Variants in OSBPL3 observed in about 807,000 individuals in gnomAD.
OSBPL3 encodes the protein oxysterol-binding protein-related protein 3.
A neutral mutation model predicts 120.1 loss-of-function variants in OSBPL3; 65 were observed. The observed-to-expected ratio is 0.54, with a 90% CI of 0.44 to 0.67. The LOEUF (loss-of-function observed/expected upper bound fraction) is 0.67. Ranked by LOEUF, OSBPL3 falls within the 30% of genes least tolerant of loss-of-function variation. The pLI is 0.00. For synonymous variants in OSBPL3, 416 were observed against 402.6 expected (o/e 1.03, Z -0.40); for missense variants, 1,004 against 1,082.1 (o/e 0.93, Z 1.01).
chr7:24,917,524 C>G, intron 1 of OSBPL3, among the ~76,000 whole-genome samples: 1 of 148,980 alleles, frequency 6.7e-6, no homozygotes. Context: ...TTTGTAACTC[C>G]TAATTTAAGC....
chr7:24,884,900 T>G (rs10249868), intron 2 of OSBPL3, among the ~76,000 whole-genome samples: 2,042 of 152,220 alleles, frequency 0.013, 48 homozygotes, highest in African/African-American at 0.047. Flanking sequence ...GACTGGACTT[T>G]CTTGTGGTGT....
At chr7:24,962,234 C>T (rs1000549033) in intron 1 of OSBPL3, among the ~76,000 whole-genome samples, 5 of 151,648 alleles carry the variant, frequency 3.3e-5, no homozygotes, top group East Asian at 1.9e-4. Context: ...ACCTGGGAGG[C>T]GGAGGTTGCA....
Position 24,816,697 on chromosome 7 carries a change from A to G in OSBPL3, c.1949-9T>C. The G allele has an allele frequency of 6.4e-7, 1 of 1,554,546 alleles. No homozygotes were observed. The highest frequency in any genetic ancestry group is 8.9e-7 in the Non-Finnish European group (1 of 1,125,542). The stretch of plus-strand genomic sequence containing the variant: ...GTTTTTCCATCTCACATCTGAAATG[A>G]AATACCAAATATTACATTTTTAGCA... On this transcript the variant is annotated splice_polypyrimidine_tract_variant and intron_variant, in intron 17 of 22. Transcript: ENST00000313367.
Position 24,881,936 on chromosome 7 carries a change from T to C in OSBPL3, c.97-9867A>G, listed in dbSNP as rs1034859101. On this transcript the variant is annotated intron_variant, in intron 2 of 22. Transcript: ENST00000313367. The surrounding 1 kb of genome is among the most constrained non-coding windows in gnomAD (Gnocchi z 4.3). The stretch of plus-strand genomic sequence containing the variant: ...CATCACCTTTTCCTCTATGTCTGTC[T>C]TCTCCCGAACGTGTTTCTTATAAGG... 3.3e-5 allele frequency among the ~76,000 whole-genome samples: 5 copies of C among 152,190 alleles called. No individual in the cohort carries two copies. Among genetic ancestry groups the C allele is most frequent in the African/African-American group, 1.2e-4 (5 of 41,458 alleles).
intron 14 of OSBPL3, among the ~76,000 whole-genome samples, chr7:24,839,861 G>A (rs1584321501): frequency 6.6e-6 from 1 of 151,338 alleles, no homozygotes; most frequent in East Asian, 1.9e-4. Context: ...ATGGTGGTGC[G>A]TGCCTGTATT....
At chr7:24,893,997 T>C (rs1473875588) in intron 1 of OSBPL3, among the ~76,000 whole-genome samples, 4 of 152,128 alleles carry the variant, frequency 2.6e-5, no homozygotes, top group African/African-American at 9.7e-5. Flanking sequence ...CATATATATA[T>C]ATATCTCCAA....
At position 24,867,329 on chromosome 7, in the gene OSBPL3, A is replaced by G. The variant is rs186433087; in HGVS notation, c.382-1092T>C. The stretch of plus-strand genomic sequence containing the variant: ...TGAATTAGTAAATTCTTCCTAAAAT[A>G]TTTAAACTTGTTCATCTCTCCAACA... On this transcript the variant is annotated intron_variant, in intron 5 of 22. Transcript: ENST00000313367. This position sits in a 1 kb window ranked among gnomAD's most constrained non-coding sequence, Gnocchi z 4.5. 2.6e-5 allele frequency among the ~76,000 whole-genome samples: 4 copies of G among 152,300 alleles called. No homozygotes were observed. The highest frequency in any genetic ancestry group is 1.3e-4 in the Admixed American group (2 of 15,302).
rs1407587112 is a variant in OSBPL3 at position 24,798,206 on chromosome 7, G to A, written c.*1977C>T. The A allele has an allele frequency of 6.6e-6, 1 of 152,216 alleles. No homozygotes were observed. The highest frequency in any genetic ancestry group is 1.5e-5 in the Non-Finnish European group (1 of 68,040). 9.4% of individuals were successfully genotyped at this position (152,216 alleles called of 1,614,324 possible). The stretch of plus-strand genomic sequence containing the variant: ...GTGAAATAACATTAGGATAATTAAA[G>A]ATTTTCCAAATGCCACATGACAGTG... On this transcript the variant is annotated 3_prime_UTR_variant, in exon 23 of 23. Coordinates refer to ENST00000313367, the MANE Select transcript of OSBPL3 (RefSeq NM_015550.4). This position sits in a 1 kb window ranked among gnomAD's most constrained non-coding sequence, Gnocchi z 4.6.
intron 1 of OSBPL3, among the ~76,000 whole-genome samples, chr7:24,956,825 A>C (rs1318780606): frequency 6.6e-6 from 1 of 152,126 alleles, no homozygotes; most frequent in Non-Finnish European, 1.5e-5. Context: ...TCACCCTTCA[A>C]CCATTATTAA....
In OSBPL3 at chr7:24,933,903, T is replaced by C. The variant is rs1812082049; in HGVS notation, c.-149-41282A>G. Among the ~76,000 whole-genome samples the C allele has an allele frequency of 6.6e-6, 1 of 152,208 alleles. No individual in the cohort carries two copies. ...ATAAATAGAGTAAAACAACAAATAC[T>C]AAGATTTGTTGGCATTAAATCAGTT... On this transcript the variant is annotated intron_variant, in intron 1 of 22. Coordinates refer to ENST00000313367, the MANE Select transcript of OSBPL3 (RefSeq NM_015550.4). The surrounding 1 kb of genome is among the most constrained non-coding windows in gnomAD (Gnocchi z 5.1).
At chr7:24,923,964 C>T (rs1810724671) in intron 1 of OSBPL3, among the ~76,000 whole-genome samples, 2 of 152,206 alleles carry the variant, frequency 1.3e-5, no homozygotes, top group South Asian at 2.1e-4. Context: ...AGAAGCAGCA[C>T]TGGCAATTTT....
rs1050788698 is a variant in OSBPL3 at position 24,953,771 on chromosome 7, A to G, written c.-150+26115T>C. On this transcript the variant is annotated intron_variant, in intron 1 of 22. Transcript: ENST00000313367. This position sits in a 1 kb window ranked among gnomAD's most constrained non-coding sequence, Gnocchi z 4.3. ...TAGATCAAGGCACAACTGGAGCTCC[A>G]TTTAATAAATGGTCAATGCCTGACT... is the stretch of plus-strand genomic sequence containing the variant. 6.6e-6 allele frequency among the ~76,000 whole-genome samples: 1 copy of G among 152,250 alleles called. No homozygotes were observed. Among genetic ancestry groups the G allele is most frequent in the Non-Finnish European group, 1.5e-5 (1 of 68,034 alleles).
intron 1 of OSBPL3, among the ~76,000 whole-genome samples, chr7:24,979,156 CAG>C (rs964261840): frequency 1.3e-5 from 2 of 152,156 alleles, no homozygotes; most frequent in African/African-American, 4.8e-5. Context: ...AACGTTCAGA[CAG>C]AGTGCATAAG....
In OSBPL3 at chr7:24,833,932, G is replaced by A. The variant is rs966939903; in HGVS notation, c.1746+554C>T. On this transcript the variant is annotated intron_variant, in intron 15 of 22. Transcript: ENST00000313367. This position sits in a 1 kb window ranked among gnomAD's most constrained non-coding sequence, Gnocchi z 4.4. The stretch of plus-strand genomic sequence containing the variant: ...AGTAGGGAAGAGAAGGCTTTTCTAC[G>A]ATTTTTTTTAAGTACTCTATAAAAT... Among the ~76,000 whole-genome samples, 5 of 152,028 alleles carry A rather than the reference G, an allele frequency of 3.3e-5. No individual in the cohort carries two copies. The highest frequency in any genetic ancestry group is 1.3e-4 in the Admixed American group (2 of 15,256).
Position 24,932,088 on chromosome 7 carries a change from C to CA in OSBPL3, c.-149-39468dup, listed in dbSNP as rs1213532368. On this transcript the variant is annotated intron_variant, in intron 1 of 22. Transcript: ENST00000313367. This position sits in a 1 kb window ranked among gnomAD's most constrained non-coding sequence, Gnocchi z 5.6. Reference sequence around the variant, plus strand: ...AACAAAGGCCAGAGGGCTTTCCCTACAGACTGGTTCAAACCAGTGGTCAGT... The same window carrying CA: ...AACAAAGGCCAGAGGGCTTTCCCTACAAGACTGGTTCAAACCAGTGGTCAGT... Among the ~76,000 whole-genome samples, 2 of 152,214 alleles carry CA rather than the reference C, an allele frequency of 1.3e-5. No individual in the cohort carries two copies. The highest frequency in any genetic ancestry group is 4.8e-5 in the African/African-American group (2 of 41,450).
chr7:24,953,274 A>G lies in OSBPL3; in HGVS notation c.-150+26612T>C, dbSNP rs985329565. Among the ~76,000 whole-genome samples, 4 of 152,212 alleles carry G rather than the reference A, an allele frequency of 2.6e-5. No individual in the cohort carries two copies. In the South Asian group the frequency reaches 8.3e-4, roughly 32 times the overall value. On this transcript the variant is annotated intron_variant, in intron 1 of 22. Transcript: ENST00000313367. This position sits in a 1 kb window ranked among gnomAD's most constrained non-coding sequence, Gnocchi z 4.3. Reference sequence around the variant, plus strand: ...TCTATAGTTCAATTCTCAATATGCCATCATTTGTCAGCTCTGCCAAGGAGT... The same window carrying G: ...TCTATAGTTCAATTCTCAATATGCCGTCATTTGTCAGCTCTGCCAAGGAGT...
rs1480030574 is a variant in OSBPL3, at chr7:24,806,098, G to A, written c.2444+678C>T. The stretch of plus-strand genomic sequence containing the variant: ...CAGCCTCCCAAGTAGTTGGGACTAC[G>A]GGCATGTGCCACCACGCCTGGCTAA... On this transcript the variant is annotated intron_variant, in intron 21 of 22. Coordinates refer to ENST00000313367, the MANE Select transcript of OSBPL3 (RefSeq NM_015550.4). The surrounding 1 kb of genome is among the most constrained non-coding windows in gnomAD (Gnocchi z 5.2). 2.0e-5 allele frequency among the ~76,000 whole-genome samples: 3 copies of A among 152,072 alleles called. No homozygotes were observed. Among genetic ancestry groups the A allele is most frequent in the African/African-American group, 2.4e-5 (1 of 41,408 alleles).
chr7:24,980,441 G>A (rs112197006), upstream of OSBPL3, among the ~76,000 whole-genome samples: 69 of 152,156 alleles, frequency 4.5e-4, 5 homozygotes, highest in South Asian at 1.5e-3. Context: ...CGAGTCCTGC[G>A]GCGAGGCACT....
At chr7:24,979,215 C>A (rs1817915936) in intron 1 of OSBPL3, among the ~76,000 whole-genome samples, 1 of 151,796 alleles carries the variant, frequency 6.6e-6, no homozygotes, top group African/African-American at 2.4e-5. Flanking sequence ...CAGGAAAGGA[C>A]CAATGTGAGA....
Sources: gnomAD v4.1 joint callset for allele counts (sites outside exome capture counted in the v4.1 genomes callset) on GRCh38, gnomAD v4.1.1 for gene constraint, Gnocchi (gnomAD v3.1) non-coding constraint, MANE v1.5 for transcripts, NCBI Gene and HGNC (gene_info 2026-07-23, HGNC 2026-07-21) for gene names.